Variants in NSMCE2 observed in about 807,000 individuals in gnomAD.
NSMCE2 encodes E3 SUMO-protein ligase NSE2.
In NSMCE2, 24 loss-of-function variants were observed where a neutral mutation model predicts 23.8. That is an observed-to-expected ratio of 1.01 (90% CI 0.73 to 1.42). The LOEUF (loss-of-function observed/expected upper bound fraction) is 1.42, where lower values mean the gene tolerates loss of function less well. Ranked by LOEUF, NSMCE2 falls within the 40% of genes most tolerant of loss-of-function variation. NSMCE2 has a pLI of 0.00. For synonymous variants in NSMCE2, 92 were observed against 94.1 expected, an observed-to-expected ratio of 0.98 and a Z score of 0.13; for missense variants, 284 against 296.5, an observed-to-expected ratio of 0.96 and a Z score of 0.31.
At chr8:125,178,639 G>T (rs1822614065) in intron 4 of NSMCE2, among the ~76,000 whole-genome samples, 1 of 152,160 alleles carries the variant, frequency 6.6e-6, no homozygotes, top group Non-Finnish European at 1.5e-5. Flanking sequence ...GGGAGGTGGA[G>T]GCGGGCGGAT....
chr8:125,226,491 A>G (rs185943995), intron 5 of NSMCE2, among the ~76,000 whole-genome samples: 5 of 152,306 alleles, frequency 3.3e-5, no homozygotes, highest in African/African-American at 1.2e-4. Flanking sequence ...TGTACCCCTC[A>G]TATCTGCAGC....
rs776771710 is a variant in NSMCE2 at position 125,290,929 on chromosome 8, T to A, written c.419-66290T>A. On this transcript the variant is annotated intron_variant, in intron 5 of 7. Coordinates refer to ENST00000287437, the MANE Select transcript of NSMCE2 (RefSeq NM_173685.4). ...TGTACCATGAGGTCAGGCACCATAA[T>A]TATGTTTAATTCTCTAGTACCTAGC... Among the ~76,000 whole-genome samples the A allele has an allele frequency of 4.1e-4, 63 of 152,226 alleles. 1 individual carries two copies. Among genetic ancestry groups the A allele is most frequent in the Non-Finnish European group, 4.9e-4 (33 of 68,038 alleles).
chr8:125,362,006 A>T (rs1813578239), intron 7 of NSMCE2, among the ~76,000 whole-genome samples: 1 of 152,068 alleles, frequency 6.6e-6, no homozygotes, highest in African/African-American at 2.4e-5. Context: ...GGACCCCAAG[A>T]CCCGGTTCCC....
chr8:125,295,887 ATGACC>A (rs1425316652), intron 5 of NSMCE2, among the ~76,000 whole-genome samples: 1 of 152,232 alleles, frequency 6.6e-6, no homozygotes, highest in African/African-American at 2.4e-5. Flanking sequence ...GAAGCATATC[ATGACC>A]CAATAATAAC....
At chr8:125,295,282 G>C (rs1828277595) in intron 5 of NSMCE2, among the ~76,000 whole-genome samples, 1 of 152,108 alleles carries the variant, frequency 6.6e-6, no homozygotes. Context: ...GTCAAAGAAA[G>C]AAAATGACAC....
At chr8:125,317,133 T>A (rs1282047552) in intron 5 of NSMCE2, among the ~76,000 whole-genome samples, 1 of 151,532 alleles carries the variant, frequency 6.6e-6, no homozygotes, top group Non-Finnish European at 1.5e-5. Context: ...CAGAATACCC[T>A]CAAGATGAGT....
At chr8:125,170,475 C>T (rs921638146) in intron 4 of NSMCE2, among the ~76,000 whole-genome samples, 9 of 137,878 alleles carry the variant, frequency 6.5e-5, no homozygotes, top group Non-Finnish European at 9.2e-5. Flanking sequence ...GGCGCTGTCT[C>T]GGCTCACTGC....
chr8:125,350,154 C>G (rs61055867), intron 5 of NSMCE2, among the ~76,000 whole-genome samples: 1 of 152,012 alleles, frequency 6.6e-6, no homozygotes, highest in South Asian at 2.1e-4. Flanking sequence ...TGGAAGAGAA[C>G]GAGGGAGGGG....
At chr8:125,261,648 A>G (rs984185092) in intron 5 of NSMCE2, among the ~76,000 whole-genome samples, 1 of 152,144 alleles carries the variant, frequency 6.6e-6, no homozygotes, top group African/African-American at 2.4e-5. Context: ...CAAATATTTA[A>G]TCCTTAAGAT....
chr8:125,345,682 A>C (rs1830405469), intron 5 of NSMCE2, among the ~76,000 whole-genome samples: 1 of 152,204 alleles, frequency 6.6e-6, no homozygotes, highest in Non-Finnish European at 1.5e-5. Context: ...TGAGTCTTGG[A>C]GGGTGGTCAG....
At chr8:125,284,948 C>A (rs998931502) in intron 5 of NSMCE2, among the ~76,000 whole-genome samples, 2 of 152,064 alleles carry the variant, frequency 1.3e-5, no homozygotes, top group Non-Finnish European at 2.9e-5. Context: ...AAAAATCTTA[C>A]GAAAATCTAC....
chr8:125,359,856 G>C (rs894105653), intron 7 of NSMCE2, among the ~76,000 whole-genome samples: 7 of 152,092 alleles, frequency 4.6e-5, no homozygotes, highest in African/African-American at 1.7e-4. Flanking sequence ...GGGAGACGAG[G>C]ACAGTTTTAA....
chr8:125,352,246 C>T (rs576467662), intron 5 of NSMCE2, among the ~76,000 whole-genome samples: 1 of 152,020 alleles, frequency 6.6e-6, no homozygotes, highest in Admixed American at 6.6e-5. Context: ...TTTGGGAGGC[C>T]GAGGTGGGCA....
intron 5 of NSMCE2, among the ~76,000 whole-genome samples, chr8:125,289,966 G>A (rs1273308825): frequency 6.6e-6 from 1 of 152,168 alleles, no homozygotes; most frequent in Non-Finnish European, 1.5e-5. Flanking sequence ...ACAAAAGCTG[G>A]TGTACACATG....
intron 5 of NSMCE2, among the ~76,000 whole-genome samples, chr8:125,255,000 A>G (rs545091031): frequency 6.6e-6 from 1 of 152,250 alleles, no homozygotes; most frequent in Admixed American, 6.5e-5. Context: ...TATGGCAGAA[A>G]TGACGCATTG....
intron 4 of NSMCE2, among the ~76,000 whole-genome samples, chr8:125,177,900 A>C (rs1350911201): frequency 1.3e-5 from 2 of 152,170 alleles, no homozygotes; most frequent in Non-Finnish European, 2.9e-5. Flanking sequence ...TTCACTTCAA[A>C]GTCTTACAGT....
chr8:125,180,494 C>CTTT (rs1420041944), intron 4 of NSMCE2, among the ~76,000 whole-genome samples: 2 of 152,182 alleles, frequency 1.3e-5, no homozygotes, highest in African/African-American at 2.4e-5. Context: ...AAGATTATGT[C>CTTT]TTTTCTCTGT....
intron 5 of NSMCE2, among the ~76,000 whole-genome samples, chr8:125,187,552 G>C (rs1163303861): frequency 2.0e-5 from 3 of 152,122 alleles, no homozygotes; most frequent in African/African-American, 7.2e-5. Context: ...AACTTAATTA[G>C]AATGTGTGAA....
At chr8:125,294,096 A>C (rs926713528) in intron 5 of NSMCE2, among the ~76,000 whole-genome samples, 1 of 152,116 alleles carries the variant, frequency 6.6e-6, no homozygotes, top group African/African-American at 2.4e-5. Context: ...CACTTGGCAT[A>C]ATGTTTTCAA....
Sources: allele counts gnomAD v4.1 joint callset (sites outside exome capture counted in the v4.1 genomes callset), GRCh38; gene constraint gnomAD v4.1.1; transcripts MANE v1.5; gene names NCBI Gene and HGNC (gene_info 2026-07-23, HGNC 2026-07-21).